The following GLIS3 variants were observed in gnomAD, a reference collection of about 807,000 sequenced individuals.
GLIS3 encodes GLIS family zinc finger 3.
GLIS3 carries 53 observed loss-of-function variants against 78.6 expected under a neutral mutation model. That is an observed-to-expected ratio of 0.67 (90% confidence interval 0.54 to 0.85). The LOEUF (loss-of-function observed/expected upper bound fraction) is 0.85. Among genes scored for constraint, GLIS3 ranks in the 40% least tolerant of loss-of-function variants. GLIS3 has a pLI of 0.00. For missense variants in GLIS3, 1,703 were observed against 1,231.1 expected (o/e 1.38, Z -5.74); for synonymous variants, 684 against 509.9 (o/e 1.34, Z -4.60).
At chr9:4,266,309 C>T (rs1826002655) in intron 2 of GLIS3, among the ~76,000 whole-genome samples, 2 of 152,072 alleles carry the variant, frequency 1.3e-5, no homozygotes. Context: ...TTCAAGCTTC[C>T]AGTATCTGAC....
intron 1 of GLIS3, among the ~76,000 whole-genome samples, chr9:4,294,947 A>G (rs949875973): frequency 6.6e-5 from 10 of 152,236 alleles, no homozygotes; most frequent in Admixed American, 6.5e-4. Flanking sequence ...TAAATACAAT[A>G]TAAGTGAGGT....
At chr9:4,032,623 C>T (rs901304088) in intron 4 of GLIS3, among the ~76,000 whole-genome samples, 40 of 152,204 alleles carry the variant, frequency 2.6e-4, no homozygotes, top group African/African-American at 6.7e-4. Flanking sequence ...GGAAAACATA[C>T]GCAACGTGTC....
At chr9:3,900,082 G>A (rs923283270) in intron 6 of GLIS3, among the ~76,000 whole-genome samples, 1 of 151,990 alleles carries the variant, frequency 6.6e-6, no homozygotes, top group African/African-American at 2.4e-5. Context: ...GGGTGAGCCT[G>A]GGGCCTGGGG....
chr9:4,249,200 A>C (rs142163247), intron 2 of GLIS3, among the ~76,000 whole-genome samples: 13 of 152,238 alleles, frequency 8.5e-5, no homozygotes, highest in African/African-American at 3.1e-4. Context: ...TGAATCTGTA[A>C]ATTACTTTGG....
chr9:4,292,561 G>T (rs887099832), intron 1 of GLIS3, among the ~76,000 whole-genome samples: 1 of 151,976 alleles, frequency 6.6e-6, no homozygotes, highest in African/African-American at 2.4e-5. Context: ...AAGATCTAAG[G>T]GTTTGACATT....
At chr9:4,320,626 T>C (rs1817510036) in intron 2 of GLIS3, among the ~76,000 whole-genome samples, 1 of 152,054 alleles carries the variant, frequency 6.6e-6, no homozygotes, top group South Asian at 2.1e-4. Context: ...CATTACCACC[T>C]ACACCATCAC....
the GLIS3 span, among the ~76,000 whole-genome samples, chr9:4,354,947 T>C: frequency 8.6e-5 from 13 of 152,002 alleles, no homozygotes; most frequent in African/African-American, 3.1e-4. Flanking sequence ...AAACCCCATC[T>C]CTACTAAAAA....
intron 2 of GLIS3, among the ~76,000 whole-genome samples, chr9:4,212,890 G>GT: frequency 6.6e-6 from 1 of 152,274 alleles, no homozygotes; most frequent in East Asian, 1.9e-4. Context: ...GGTATGGGGA[G>GT]GCAGTGCAGT....
intron 4 of GLIS3, among the ~76,000 whole-genome samples, chr9:4,102,311 T>A (rs1296630418): frequency 6.6e-6 from 1 of 152,170 alleles, no homozygotes; most frequent in Non-Finnish European, 1.5e-5. Flanking sequence ...AGGGTCCTTG[T>A]GAGGCTGGGG....
At chr9:4,464,154 G>C in the GLIS3 span, among the ~76,000 whole-genome samples, 1 of 151,914 alleles carries the variant, frequency 6.6e-6, no homozygotes, top group African/African-American at 2.4e-5. Context: ...TTATATTAAG[G>C]AGAACAGCTC....
chr9:4,332,921 A>G (rs1817706500), intron 2 of GLIS3, among the ~76,000 whole-genome samples: 1 of 152,156 alleles, frequency 6.6e-6, no homozygotes, highest in Non-Finnish European at 1.5e-5. Context: ...AGTCTTTATT[A>G]TTGTGACTAA....
intron 3 of GLIS3, among the ~76,000 whole-genome samples, chr9:4,122,100 A>C: frequency 6.6e-6 from 1 of 152,250 alleles, no homozygotes; most frequent in East Asian, 1.9e-4. Context: ...AGGAAAACTC[A>C]GAAACCATCA....
chr9:4,200,787 A>G (rs1271497193), intron 2 of GLIS3, among the ~76,000 whole-genome samples: 1 of 152,188 alleles, frequency 6.6e-6, no homozygotes, highest in Non-Finnish European at 1.5e-5. Flanking sequence ...AATCCTACCG[A>G]AATTATCCAA....
At chr9:3,864,413 C>CA (rs1820435020) in intron 8 of GLIS3, among the ~76,000 whole-genome samples, 1 of 152,096 alleles carries the variant, frequency 6.6e-6, no homozygotes, top group Non-Finnish European at 1.5e-5. Flanking sequence ...CATGGACATA[C>CA]AAAAAATGGA....
the GLIS3 span, among the ~76,000 whole-genome samples, chr9:4,426,570 T>A: frequency 6.6e-6 from 1 of 152,254 alleles, no homozygotes; most frequent in Non-Finnish European, 1.5e-5. Context: ...TATAGAGCTT[T>A]TCCTGAGCCT....
At chr9:4,369,969 A>T in the GLIS3 span, among the ~76,000 whole-genome samples, 1 of 152,200 alleles carries the variant, frequency 6.6e-6, no homozygotes, top group Non-Finnish European at 1.5e-5. Flanking sequence ...AGGCAGGCAG[A>T]TCACTTGAAT....
chr9:4,194,694 A>G (rs780392723), intron 2 of GLIS3, among the ~76,000 whole-genome samples: 18 of 152,190 alleles, frequency 1.2e-4, no homozygotes, highest in Non-Finnish European at 2.4e-4. Flanking sequence ...CTCGCTGATA[A>G]AAGTGAGTGA....
chr9:4,484,029 TTTG>T, the GLIS3 span, among the ~76,000 whole-genome samples: 179 of 152,220 alleles, frequency 1.2e-3, no homozygotes, highest in African/African-American at 3.9e-3. Flanking sequence ...TGTGTTTGCT[TTTG>T]TTGTTGTTGT....
chr9:4,181,593 G>A (rs1027233058), intron 2 of GLIS3, among the ~76,000 whole-genome samples: 1 of 152,204 alleles, frequency 6.6e-6, no homozygotes, highest in Non-Finnish European at 1.5e-5. Context: ...GAAGCTAAAA[G>A]TACTGTACAG....
Sources: allele counts gnomAD v4.1 joint callset (sites outside exome capture counted in the v4.1 genomes callset), GRCh38; gene constraint gnomAD v4.1.1; transcripts MANE v1.5; gene names NCBI Gene and HGNC (gene_info 2026-07-23, HGNC 2026-07-21).